The following PHF3 variants were observed in gnomAD, a reference collection of about 807,000 sequenced individuals.
PHF3 encodes the protein PHD finger protein 3.
In PHF3, 41 loss-of-function variants were observed where a neutral mutation model predicts 178.4. The ratio of observed to expected loss-of-function variants is 0.23; its 90% CI spans 0.18 to 0.30. The LOEUF (loss-of-function observed/expected upper bound fraction) is 0.30, where lower values mean the gene tolerates loss of function less well. PHF3 is among the 10% of genes least tolerant of loss of function. The pLI is 1.00. For missense variants in PHF3, 2,346 were observed against 2,398.1 expected, an observed-to-expected ratio of 0.98 and a Z score of 0.45; for synonymous variants, 842 against 800.5, an observed-to-expected ratio of 1.05 and a Z score of -0.88.
Position 63,713,062 on chromosome 6 carries a change from C to T in PHF3, c.5474C>T (p.Pro1825Leu), listed in dbSNP as rs1018246081. 8 of 1,613,878 alleles carry T rather than the reference C, an allele frequency of 5.0e-6. No homozygotes were observed. The highest frequency in any genetic ancestry group is 6.8e-6 in the Non-Finnish European group (8 of 1,179,986). Residue 1825 changes from proline (P) to leucine (L), a missense_variant, in exon 16 of 16, where the codon CCA (proline) becomes CTA (leucine). Coordinates refer to ENST00000262043, the MANE Select transcript of PHF3 (RefSeq NM_001370348.2). ...FPFPGPPNFP[P>L]QSMFGFPPHL... ...TTTCCAGGGCCTCCTAATTTTCCCC[C>T]ACAAAGCATGTTTGGATTTCCACCA...
Position 63,706,895 on chromosome 6 carries a change from C to CTT in PHF3, c.3711+22_3711+23dup. 1 of 1,608,840 alleles carries CTT rather than the reference C, an allele frequency of 6.2e-7. No homozygotes were observed. The highest frequency in any genetic ancestry group is 8.5e-7 in the Non-Finnish European group (1 of 1,176,834). On this transcript the variant is annotated intron_variant, in intron 13 of 15. Transcript: ENST00000262043. ...GACAGAGGTACTGTGAACTTTTCTG[C>CTT]TTTTCTGTGCATGAATTGATAATGT...
Position 63,711,650 on chromosome 6 carries a change from G to A in PHF3, c.4062G>A (p.Gln1354=). The A allele has an allele frequency of 6.2e-7, 1 of 1,611,566 alleles. No homozygotes were observed. The highest frequency in any genetic ancestry group is 1.1e-5 in the South Asian group (1 of 90,360). The change falls in exon 16 of 16, where the codon CAG becomes CAA. Residue 1354 remains glutamine, a synonymous_variant. Coordinates refer to ENST00000262043, the MANE Select transcript of PHF3 (RefSeq NM_001370348.2). ...TTATTCGTCAGAAACTGAAGCGACA[G>A]CACAGTGCCTGTGCTAGTACTAGTC... The part of the protein sequence containing the change: ...GLIIRQKLKR[Q]HSACASTSHI...
chr6:63,648,925 A>C (rs1253193273), intron 2 of PHF3, among the ~76,000 whole-genome samples: 1 of 152,118 alleles, frequency 6.6e-6, no homozygotes, highest in Non-Finnish European at 1.5e-5. Context: ...GCCATCTAGC[A>C]GGGGATTTAT....
chr6:63,694,428 A>T (rs1052899234), intron 5 of PHF3, among the ~76,000 whole-genome samples, 153 bp from the exon 6 acceptor site: 1 of 152,134 alleles, frequency 6.6e-6, no homozygotes, highest in African/African-American at 2.4e-5. Context: ...TTTATAAGCT[A>T]TTATGTGTTC....
intron 5 of PHF3, among the ~76,000 whole-genome samples, chr6:63,692,887 A>G (rs1433883955): frequency 3.3e-5 from 5 of 152,164 alleles, no homozygotes. Context: ...TTAAAACTTA[A>G]TTTCTCTGCA....
intron 1 of PHF3, among the ~76,000 whole-genome samples, chr6:63,639,864 G>A (rs1764500007): frequency 6.6e-6 from 1 of 152,130 alleles, no homozygotes; most frequent in African/African-American, 2.4e-5. Context: ...CACTACTTTG[G>A]TGGTTTATTC....
intron 13 of PHF3, among the ~76,000 whole-genome samples, chr6:63,708,849 A>G (rs1767802569): frequency 6.6e-6 from 1 of 152,140 alleles, no homozygotes; most frequent in Admixed American, 6.5e-5. Context: ...TTCTTTCTGA[A>G]TTGTTAATGT....
intron 2 of PHF3, among the ~76,000 whole-genome samples, chr6:63,673,145 A>G (rs1291457578): frequency 1.3e-5 from 2 of 151,750 alleles, no homozygotes; most frequent in Non-Finnish European, 2.9e-5. Context: ...ACAATCTTGT[A>G]TTACCAAATG....
At position 63,694,684 on chromosome 6, in the gene PHF3, G is replaced by A; in HGVS notation, c.2600G>A (p.Arg867Lys). The A allele has an allele frequency of 3.1e-6, 5 of 1,601,916 alleles. No individual in the cohort carries two copies. The highest frequency in any genetic ancestry group is 1.1e-5 in the South Asian group (1 of 89,104). The change falls in exon 6 of 16, where the codon AGA (arginine) becomes AAA (lysine). Residue 867 changes from arginine to lysine, a missense_variant. Physicochemically the swap from Arg to Lys is conservative, Grantham distance 26 (BLOSUM62 2). This residue lies in a region of PHF3 where 252 missense variants were observed against 232.0 expected (regional missense o/e 1.09). Transcript: ENST00000262043. ...RKMGQPVLPR[R>K]SSEEKSEKIP... ...ATGGGACAACCAGTTTTACCTCGGA[G>A]ATCCTCAGAAGAAAAAAGTGAAAAA...
chr6:63,720,251 T>G lies in PHF3; in HGVS notation c.*6543T>G. On this transcript the variant is annotated 3_prime_UTR_variant, in exon 16 of 16. Transcript: ENST00000262043. ...AATTTTAAACATTTTAAAGTTCAGC[T>G]TACACATTGATTTTTAAAATTGTGT... 1 of 328,114 alleles carries G rather than the reference T, an allele frequency of 3.0e-6. No individual in the cohort carries two copies. The highest frequency in any genetic ancestry group is 4.4e-5 in the East Asian group (1 of 22,736). 20.3% of individuals were successfully genotyped at this position (328,114 alleles called of 1,614,324 possible).
At chr6:63,657,148 A>T (rs1030643789) in intron 2 of PHF3, among the ~76,000 whole-genome samples, 26 of 152,176 alleles carry the variant, frequency 1.7e-4, no homozygotes, top group Middle Eastern at 3.4e-3. Flanking sequence ...ATTTTGCTTT[A>T]TGTCTTTCTA....
At chr6:63,637,063 T>C (rs1243614792) in intron 1 of PHF3, among the ~76,000 whole-genome samples, 1 of 152,212 alleles carries the variant, frequency 6.6e-6, no homozygotes, top group Non-Finnish European at 1.5e-5. Flanking sequence ...AATATGTTCA[T>C]GGATTAATGT....
Position 63,722,575 on chromosome 6 carries a change from C to A in PHF3, c.*8867C>A, listed in dbSNP as rs1436437558. On this transcript the variant is annotated 3_prime_UTR_variant, in exon 16 of 16. Transcript: ENST00000262043. ...TCTGCAAGCTTGGAAAAAGCATGTT[C>A]TTCACTGTAAGATTGCTTGAAGAGG... Among the ~76,000 whole-genome samples, 1 of 152,194 alleles carries A rather than the reference C, an allele frequency of 6.6e-6. No homozygotes were observed. Among genetic ancestry groups the A allele is most frequent in the South Asian group, 2.1e-4 (1 of 4,832 alleles).
chr6:63,698,682 A>G (rs1356553031), intron 8 of PHF3, 77 bp downstream of exon 8: 1 of 992,762 alleles, frequency 1.0e-6, no homozygotes, highest in African/African-American at 1.6e-5. Context: ...AATACAGTAG[A>G]TCTATAATTT....
rs763209540 is a variant in PHF3 at position 63,685,893 on chromosome 6, A to G, written c.2171A>G (p.Lys724Arg). 7.4e-6 allele frequency: 12 copies of G among 1,611,720 alleles called. No homozygotes were observed. The highest frequency in any genetic ancestry group is 1.6e-4 in the Middle Eastern group (1 of 6,078). Reference sequence around the variant, plus strand: ...CCCAGCAAGCAGTGTGGGTTTTGCAAAAAACCACATGGCAACAGGTGTGTG... The same window carrying G: ...CCCAGCAAGCAGTGTGGGTTTTGCAGAAAACCACATGGCAACAGGTGTGTG... ...WTPSKQCGFC[K>R]KPHGNRFMVG... Residue 724 changes from lysine (K) to arginine (R), a missense_variant, in exon 4 of 16, where the codon AAA becomes AGA. By Grantham distance (26) the Lys-to-Arg change is conservative. Transcript: ENST00000262043.
rs758764159 is a variant in PHF3 at position 63,706,206 on chromosome 6, C to T, written c.3545C>T (p.Thr1182Met). Residue 1182 changes from threonine (T) to methionine (M), a missense_variant, in exon 12 of 16, where the codon ACG becomes ATG. Thr to Met is a moderately conservative substitution (Grantham distance 81). Around this residue, in one of 8 missense-constraint regions of PHF3, gnomAD observed 205 missense variants for 212.4 expected, o/e 0.97. Coordinates refer to ENST00000262043, the MANE Select transcript of PHF3 (RefSeq NM_001370348.2). ...EEEKQESPKSTFSPAPRPEMP... is the reference protein window; with the variant it reads ...EEEKQESPKSMFSPAPRPEMP... ...GAGAAACAGGAGTCTCCAAAGTCAA[C>T]GTTCTCTCCTGCTCCACGGTAATTT... 3.1e-6 allele frequency: 5 copies of T among 1,612,408 alleles called. No individual in the cohort carries two copies. The highest frequency in any genetic ancestry group is 1.3e-5 in the African/African-American group (1 of 74,830).
intron 1 of PHF3, among the ~76,000 whole-genome samples, chr6:63,645,456 T>C (rs962378069): frequency 5.3e-5 from 8 of 152,208 alleles, no homozygotes; most frequent in Admixed American, 2.6e-4. Context: ...AACTAGTGAA[T>C]GTTAGCATGT....
intron 3 of PHF3, among the ~76,000 whole-genome samples, chr6:63,683,787 A>T: frequency 6.6e-6 from 1 of 152,100 alleles, no homozygotes; most frequent in East Asian, 1.9e-4. Flanking sequence ...CATTAATGGT[A>T]AAGGAAGCTC....
chr6:63,669,629 A>G (rs1177592738), intron 2 of PHF3, among the ~76,000 whole-genome samples: 1 of 152,224 alleles, frequency 6.6e-6, no homozygotes, highest in Non-Finnish European at 1.5e-5. Flanking sequence ...AAACCATATT[A>G]AAGTAGTTTT....
Sources: gnomAD v4.1 joint callset for allele counts (sites outside exome capture counted in the v4.1 genomes callset) on GRCh38, gnomAD v4.1.1 for gene constraint, gnomAD v4.1.1 regional missense constraint, MANE v1.5 for transcripts, NCBI Gene and HGNC (gene_info 2026-07-23, HGNC 2026-07-21) for gene names.